The following GRIA3 variants were observed in gnomAD, a reference collection of about 807,000 sequenced individuals.
GRIA3 encodes the protein glutamate receptor 3.
A neutral mutation model predicts 63.0 loss-of-function variants in GRIA3; 3 were observed. The observed-to-expected ratio is 0.05, with a 90% CI of 0.02 to 0.12. GRIA3 has a LOEUF of 0.12. Ranked by LOEUF, GRIA3 falls within the 10% of genes least tolerant of loss-of-function variation. GRIA3 has a pLI of 1.00. For missense variants in GRIA3, 347 were observed against 700.9 expected (o/e 0.50, Z 5.70); for synonymous variants, 274 against 257.9 (o/e 1.06, Z -0.60).
At chrX:123,287,238 T>G (rs2044626013) in intron 3 of GRIA3, among the ~76,000 whole-genome samples, 1 of 111,547 alleles carries the variant, frequency 9.0e-6, no homozygotes, top group African/African-American at 3.3e-5. Flanking sequence ...AAACTCTCAA[T>G]AAACTAGGTA....
chrX:123,463,616 GAAA>G (rs57042066), intron 12 of GRIA3, among the ~76,000 whole-genome samples: 638 of 14,107 alleles, frequency 0.045, 27 homozygotes, highest in African/African-American at 0.06. Context: ...GGGAGGGAAA[GAAA>G]GAAAGAAAGA....
intron 3 of GRIA3, among the ~76,000 whole-genome samples, chrX:123,269,734 A>T (rs1351424936): frequency 8.9e-6 from 1 of 111,929 alleles, no homozygotes; most frequent in African/African-American, 3.2e-5. Context: ...TTTCCTTCCA[A>T]CAATCCTAAC....
chrX:123,333,000 A>G (rs2147337284), intron 4 of GRIA3, among the ~76,000 whole-genome samples: 1 of 111,468 alleles, frequency 9.0e-6, no homozygotes, highest in Non-Finnish European at 1.9e-5. Flanking sequence ...TGTGTCCTCC[A>G]TGACATTCAA....
At chrX:123,486,610 T>C (rs2045943330) in intron 15 of GRIA3, among the ~76,000 whole-genome samples, 1 of 112,304 alleles carries the variant, frequency 8.9e-6, no homozygotes, top group Non-Finnish European at 1.9e-5. Context: ...CTTTGAAACC[T>C]CTCTGTTGTC....
At chrX:123,479,977 G>A (rs994557992) in intron 13 of GRIA3, 86 bp from the exon 14 acceptor site, 8 of 681,621 alleles carry the variant, frequency 1.2e-5, no homozygotes, top group East Asian at 1.1e-4. Flanking sequence ...CTGCTTTATC[G>A]CTTTCTATAG....
intron 4 of GRIA3, among the ~76,000 whole-genome samples, chrX:123,334,753 G>A (rs770509927): frequency 2.8e-4 from 31 of 111,375 alleles, no homozygotes; most frequent in Middle Eastern, 4.7e-3. Flanking sequence ...CTTGAGGCAG[G>A]AGAGCTGGAT....
At chrX:123,375,962 A>G (rs1295222142) in intron 5 of GRIA3, among the ~76,000 whole-genome samples, 1 of 112,430 alleles carries the variant, frequency 8.9e-6, no homozygotes, top group Non-Finnish European at 1.9e-5. Flanking sequence ...AGAAATGAAA[A>G]ACTAGCAACA....
intron 2 of GRIA3, among the ~76,000 whole-genome samples, chrX:123,218,092 C>G (rs1041795414): frequency 2.7e-5 from 3 of 112,513 alleles, no homozygotes; most frequent in Non-Finnish European, 5.6e-5. Flanking sequence ...GTTTTTGAAA[C>G]CTTACATTGT....
intron 2 of GRIA3, among the ~76,000 whole-genome samples, chrX:123,206,989 T>G (rs1217849433): frequency 9.0e-6 from 1 of 111,633 alleles, no homozygotes; most frequent in East Asian, 2.8e-4. Context: ...TTCTATGTAC[T>G]CAGCACAGTA....
At chrX:123,399,634 A>G (rs748488995) in intron 7 of GRIA3, among the ~76,000 whole-genome samples, 3 of 112,406 alleles carry the variant, frequency 2.7e-5, no homozygotes, top group Admixed American at 9.4e-5. Context: ...TTTCAAGAGT[A>G]CAAGAATCTC....
intron 15 of GRIA3, among the ~76,000 whole-genome samples, chrX:123,487,455 T>C (rs2045947895): frequency 8.9e-6 from 1 of 111,973 alleles, no homozygotes; most frequent in South Asian, 3.8e-4. Flanking sequence ...TTCTGTAGCC[T>C]ATGCATAGGC....
At chrX:123,244,315 A>G (rs1468144286) in intron 2 of GRIA3, among the ~76,000 whole-genome samples, 1 of 111,446 alleles carries the variant, frequency 9.0e-6, no homozygotes, top group East Asian at 2.8e-4. Flanking sequence ...GGGAGGGATC[A>G]TGATTTATAT....
At position 123,204,568 on chromosome X, in the gene GRIA3, A is replaced by G. The variant is rs1053181924; in HGVS notation, c.268+18578A>G. 26 of 1,149,876 alleles carry G rather than the reference A, an allele frequency of 2.3e-5. No individual in the cohort carries two copies. The East Asian group carries it at 7.3e-4, about 32-fold the overall frequency. The allele number at this position is 1,149,876 out of a possible 1,213,427, so 94.8% of individuals were successfully genotyped here. The stretch of plus-strand genomic sequence containing the variant: ...GGTTGAACCCAAACCCATTTTAGAG[A>G]CAGAAGAAACTACCCTCTGGAGATA... On this transcript the variant is annotated intron_variant, in intron 2 of 15. Transcript: ENST00000620443.
chrX:123,276,978 A>G (rs769310135), intron 3 of GRIA3, among the ~76,000 whole-genome samples: 63 of 112,110 alleles, frequency 5.6e-4, no homozygotes, highest in African/African-American at 1.9e-3. Context: ...GATAGTGGCT[A>G]CTGTATTGGA....
At chrX:123,195,413 G>A (rs768062228) in intron 2 of GRIA3, among the ~76,000 whole-genome samples, 18 of 112,125 alleles carry the variant, frequency 1.6e-4, no homozygotes, top group Admixed American at 1.1e-3. Context: ...AAGTAGTGGA[G>A]CCAGGATTCG....
chrX:123,356,461 G>A (rs1016107019), intron 5 of GRIA3, among the ~76,000 whole-genome samples: 2 of 110,891 alleles, frequency 1.8e-5, no homozygotes, highest in Non-Finnish European at 3.8e-5. Context: ...GGTGACTTTA[G>A]GTAGTATACG....
chrX:123,294,837 AT>A (rs2044675806), intron 3 of GRIA3, among the ~76,000 whole-genome samples: 2 of 111,583 alleles, frequency 1.8e-5, no homozygotes, highest in Admixed American at 1.9e-4. Context: ...GTCAATCCCT[AT>A]GAGCATTCCT....
chrX:123,417,340 A>AT, intron 10 of GRIA3, 62 bp from the exon 11 acceptor site: 3 of 975,380 alleles, frequency 3.1e-6, no homozygotes, highest in Non-Finnish European at 2.9e-6. Flanking sequence ...TAAGCGACAA[A>AT]TAACTGATTA....
intron 3 of GRIA3, among the ~76,000 whole-genome samples, chrX:123,325,812 C>A (rs768047133): frequency 1.8e-5 from 2 of 111,233 alleles, no homozygotes; most frequent in African/African-American, 6.5e-5. Context: ...CCACTTGATG[C>A]GGGGTGCCCA....
Sources: gnomAD v4.1 joint callset for allele counts (sites outside exome capture counted in the v4.1 genomes callset) on GRCh38, gnomAD v4.1.1 for gene constraint, MANE v1.5 for transcripts, NCBI Gene and HGNC (gene_info 2026-07-23, HGNC 2026-07-21) for gene names.